The following ZNF469 variants were observed in gnomAD, a reference collection of about 807,000 sequenced individuals.
The protein encoded by ZNF469 is zinc finger protein 469.
A neutral mutation model predicts 1.0 loss-of-function variants in ZNF469; 1 was observed. That is an observed-to-expected ratio of 1.00 (90% CI 0.35 to 4.73). The LOEUF (loss-of-function observed/expected upper bound fraction) is 4.73. Among genes scored for constraint, ZNF469 ranks in the 30% most tolerant of loss-of-function variants. The pLI is 0.16. For missense variants in ZNF469, 6,100 were observed against 5,356.3 expected (o/e 1.14, Z -4.33); for synonymous variants, 2,703 against 2,363.4 (o/e 1.14, Z -4.17).
the ZNF469 span, among the ~76,000 whole-genome samples, chr16:88,269,107 C>G: frequency 3.3e-5 from 5 of 152,218 alleles, no homozygotes; most frequent in Non-Finnish European, 5.9e-5. Flanking sequence ...TCTCACAGCC[C>G]AGTCTTTCCA....
chr16:88,372,656 TACCATCTTC>T, the ZNF469 span, among the ~76,000 whole-genome samples: 2 of 146,932 alleles, frequency 1.4e-5, no homozygotes, highest in African/African-American at 5.1e-5. Flanking sequence ...TTACCATCTT[TACCATCTTC>T]ACCATCATCA....
At chr16:88,417,820 C>G (rs1352226873) in intron 1 of ZNF469, among the ~76,000 whole-genome samples, 1 of 152,216 alleles carries the variant, frequency 6.6e-6, no homozygotes, top group Non-Finnish European at 1.5e-5. Flanking sequence ...CCAAAGCCCC[C>G]CATGGCCTGG....
chr16:88,321,325 T>A, the ZNF469 span, among the ~76,000 whole-genome samples: 2 of 152,262 alleles, frequency 1.3e-5, no homozygotes, highest in Admixed American at 1.3e-4. Context: ...GAAACCTTGG[T>A]TTTTGCCCGT....
chr16:88,220,520 G>A, the ZNF469 span, among the ~76,000 whole-genome samples: 2 of 152,298 alleles, frequency 1.3e-5, no homozygotes, highest in East Asian at 1.9e-4. Context: ...ATGACGGGAC[G>A]GGGGTGAACC....
At chr16:88,302,106 G>C in the ZNF469 span, among the ~76,000 whole-genome samples, 1 of 152,184 alleles carries the variant, frequency 6.6e-6, no homozygotes, top group African/African-American at 2.4e-5. Context: ...GAGAACAGCT[G>C]GGCTCTCGGT....
Position 88,439,430 on chromosome 16 carries a change from C to A in ZNF469, c.*98C>A. 1 of 1,344,890 alleles carries A rather than the reference C, an allele frequency of 7.4e-7. No individual in the cohort carries two copies. The highest frequency in any genetic ancestry group is 1.0e-6 in the Non-Finnish European group (1 of 964,518). 83.3% of individuals were successfully genotyped at this position (1,344,890 alleles called of 1,614,324 possible). On this transcript the variant is annotated 3_prime_UTR_variant, in exon 3 of 3. Transcript: ENST00000565624. ...TCCCTGAGATGGTCCACTCTGTGGC[C>A]ACTTGACTTCTTGTGCAACTGCTCA... is the stretch of plus-strand genomic sequence containing the variant.
Position 88,436,931 on chromosome 16 carries a change from G to T in ZNF469, c.9461G>T (p.Gly3154Val). Residue 3154 changes from glycine to valine, a missense_variant, in exon 3 of 3, where the codon GGC becomes GTC. Gly to Val is a moderately radical substitution (Grantham distance 109). Coordinates refer to ENST00000565624, the MANE Select transcript of ZNF469 (RefSeq NM_001367624.2). Reference sequence around the variant, plus strand: ...TACATGTGCGTGGAGCGCAGGTTTGGCTCGCGGGAGCTGCTGCGGGGGCAC... The same window carrying T: ...TACATGTGCGTGGAGCGCAGGTTTGTCTCGCGGGAGCTGCTGCGGGGGCAC... ...TCYMCVERRF[G>V]SRELLRGHLQ... 1 of 1,492,684 alleles carries T rather than the reference G, an allele frequency of 6.7e-7. No homozygotes were observed. Among genetic ancestry groups the T allele is most frequent in the Non-Finnish European group, 8.9e-7 (1 of 1,122,472 alleles). 92.5% of individuals were successfully genotyped at this position (1,492,684 alleles called of 1,614,324 possible). A position where few individuals can be genotyped will look rare whatever the true frequency, so the allele number is the denominator to read the frequency against.
At chr16:88,369,195 G>C in the ZNF469 span, among the ~76,000 whole-genome samples, 4 of 152,046 alleles carry the variant, frequency 2.6e-5, no homozygotes, top group Non-Finnish European at 5.9e-5. Context: ...AGAAAGTTCT[G>C]AGCCATGGAT....
chr16:88,429,505 G>C lies in ZNF469; in HGVS notation c.2035G>C (p.Glu679Gln). 6.9e-7 allele frequency: 1 copy of C among 1,456,636 alleles called. No individual in the cohort carries two copies. Among genetic ancestry groups the C allele is most frequent in the Non-Finnish European group, 9.2e-7 (1 of 1,087,098 alleles). 90.2% of individuals were successfully genotyped at this position (1,456,636 alleles called of 1,614,324 possible). The change falls in exon 3 of 3, where the codon GAG becomes CAG. Residue 679 changes from glutamate (E) to glutamine (Q), a missense_variant. By Grantham distance (29) the Glu-to-Gln change is conservative (BLOSUM62 2). Transcript: ENST00000565624. ...TTTTCCCGCAGATGGGCTGGGAGCC[G>C]AGGGTGCCTTCCAGTGCCTGGAGGA... ...FPFPADGLGA[E>Q]GAFQCLEETP...
At chr16:88,413,659 C>T (rs1023727445) in intron 1 of ZNF469, among the ~76,000 whole-genome samples, 1 of 152,230 alleles carries the variant, frequency 6.6e-6, no homozygotes, top group African/African-American at 2.4e-5. Flanking sequence ...GCCATTGCCT[C>T]TAGCTGGGCG....
the ZNF469 span, among the ~76,000 whole-genome samples, chr16:88,273,650 A>G: frequency 6.6e-6 from 1 of 152,222 alleles, no homozygotes; most frequent in Non-Finnish European, 1.5e-5. Context: ...TTTTGTGTAC[A>G]TACCCAAATG....
chr16:88,296,600 ACTCACAGACATG>A, the ZNF469 span, among the ~76,000 whole-genome samples: 1 of 152,128 alleles, frequency 6.6e-6, no homozygotes, highest in East Asian at 1.9e-4. Context: ...ACACATGCAC[ACTCACAGACATG>A]CTCACACTCA....
the ZNF469 span, among the ~76,000 whole-genome samples, chr16:88,174,542 C>T: frequency 2.1e-5 from 3 of 140,198 alleles, no homozygotes; most frequent in African/African-American, 8.3e-5. Context: ...CCTTGAACAA[C>T]ATGGGTTTGA....
At chr16:88,239,470 C>T in the ZNF469 span, among the ~76,000 whole-genome samples, 2 of 147,806 alleles carry the variant, frequency 1.4e-5, no homozygotes, top group Middle Eastern at 3.5e-3. Context: ...GGTCTGAGTG[C>T]GAATTTTCAT....
At chr16:88,284,341 C>G in the ZNF469 span, among the ~76,000 whole-genome samples, 1 of 152,184 alleles carries the variant, frequency 6.6e-6, no homozygotes, top group Non-Finnish European at 1.5e-5. Flanking sequence ...ATCCCAGCCT[C>G]CTGAAGTGGA....
chr16:88,162,239 C>T, the ZNF469 span, among the ~76,000 whole-genome samples: 1 of 151,476 alleles, frequency 6.6e-6, no homozygotes, highest in Non-Finnish European at 1.5e-5. Context: ...TAAAATATTT[C>T]ATACTACAGA....
the ZNF469 span, among the ~76,000 whole-genome samples, chr16:88,112,346 T>G: frequency 6.6e-6 from 1 of 152,228 alleles, no homozygotes; most frequent in African/African-American, 2.4e-5. Context: ...TGTAGCTTTT[T>G]GAGGAACCGC....
chr16:88,377,111 G>A, the ZNF469 span, among the ~76,000 whole-genome samples: 3 of 152,238 alleles, frequency 2.0e-5, no homozygotes, highest in African/African-American at 7.2e-5. Flanking sequence ...AGAGCCCACA[G>A]TTAGCCACCA....
Position 88,437,823 on chromosome 16 carries a change from C to T in ZNF469, c.10353C>T (p.Arg3451=), listed in dbSNP as rs1253990188. ...GGGGGCGGCAGCCCTTCGCGTTCCG[C>T]GGCGTGCGGAGGCCGGGAGCGCCGG... ...LRGGRQPFAF[R]GVRRPGAPGQ... Residue 3451 remains arginine, a synonymous_variant, in exon 3 of 3, where the codon CGC becomes CGT. Coordinates refer to ENST00000565624, the MANE Select transcript of ZNF469 (RefSeq NM_001367624.2). 1 of 1,542,194 alleles carries T rather than the reference C, an allele frequency of 6.5e-7. No homozygotes were observed. Among genetic ancestry groups the T allele is most frequent in the Non-Finnish European group, 8.8e-7 (1 of 1,141,028 alleles).
Sources: allele counts gnomAD v4.1 joint callset (sites outside exome capture counted in the v4.1 genomes callset), GRCh38; gene constraint gnomAD v4.1.1; transcripts MANE v1.5; gene names NCBI Gene and HGNC (gene_info 2026-07-23, HGNC 2026-07-21).